Variants in CNTN1 observed in about 807,000 individuals in gnomAD.
CNTN1 encodes contactin 1.
Under a neutral mutation model 126.4 loss-of-function variants are expected in CNTN1, and 38 were observed. The ratio of observed to expected loss-of-function variants is 0.30; its 90% CI spans 0.23 to 0.39. The LOEUF (loss-of-function observed/expected upper bound fraction) is 0.39. Ranked by LOEUF, CNTN1 falls within the 10% of genes least tolerant of loss-of-function variation. CNTN1 has a pLI of 1.00. For missense variants in CNTN1, 1,009 were observed against 1,248.4 expected (o/e 0.81, Z 2.89); for synonymous variants, 413 against 422.6 (o/e 0.98, Z 0.28).
chr12:40,765,497 A>T (rs1479665363), intron 1 of CNTN1, among the ~76,000 whole-genome samples: 1 of 152,234 alleles, frequency 6.6e-6, no homozygotes, highest in African/African-American at 2.4e-5. Context: ...ACAGAGGCAA[A>T]GGAACAAGCA....
chr12:40,976,967 T>G (rs934254727), intron 15 of CNTN1, among the ~76,000 whole-genome samples: 8 of 152,154 alleles, frequency 5.3e-5, no homozygotes, highest in African/African-American at 1.4e-4. Context: ...CTGAGACAAG[T>G]CTCAAGAAAG....
chr12:40,854,497 C>T (rs993252628), intron 1 of CNTN1, among the ~76,000 whole-genome samples: 25 of 151,976 alleles, frequency 1.6e-4, no homozygotes, highest in African/African-American at 5.8e-4. Flanking sequence ...CCTTAAGTCT[C>T]TAAGTCAAGA....
intron 20 of CNTN1, among the ~76,000 whole-genome samples, chr12:41,022,582 A>G (rs1484842638): frequency 6.6e-6 from 1 of 152,144 alleles, no homozygotes; most frequent in Non-Finnish European, 1.5e-5. Context: ...GCATTCCAAG[A>G]TGGTGGTGAT....
intron 1 of CNTN1, among the ~76,000 whole-genome samples, chr12:40,782,146 A>C (rs1428956417): frequency 6.6e-6 from 1 of 151,964 alleles, no homozygotes; most frequent in Non-Finnish European, 1.5e-5. Context: ...TATTTTTTAA[A>C]AGTTCCAATA....
intron 23 of CNTN1, among the ~76,000 whole-genome samples, chr12:41,037,342 T>C (rs1354245539): frequency 2.6e-5 from 4 of 152,158 alleles, no homozygotes; most frequent in Non-Finnish European, 4.4e-5. Context: ...CCCATAAGAT[T>C]ATAATTCTAC....
At chr12:40,904,168 G>A (rs1381975848) in intron 1 of CNTN1, among the ~76,000 whole-genome samples, 4 of 152,068 alleles carry the variant, frequency 2.6e-5, no homozygotes, top group South Asian at 2.1e-4. Context: ...ACAGGCGCCT[G>A]CCACCACGCA....
chr12:40,930,246 C>A (rs898297502), intron 7 of CNTN1, among the ~76,000 whole-genome samples: 10 of 151,884 alleles, frequency 6.6e-5, no homozygotes. Flanking sequence ...GGAAAATACA[C>A]AGGGGACTGA....
rs533680875 is a variant in CNTN1 at position 40,973,471 on chromosome 12, T to G, written c.1805-7438T>G. ...CTTGATTTAAAAAGGGAGGATAAAT[T>G]GTTCTGAAAAGTTTTTTGTTTCCTT... On this transcript the variant is annotated intron_variant, in intron 15 of 23. Transcript: ENST00000551295. Among the ~76,000 whole-genome samples, 7 of 152,242 alleles carry G rather than the reference T, an allele frequency of 4.6e-5. No homozygotes were observed. In the South Asian group the frequency reaches 1.5e-3, roughly 32 times the overall value.
rs183381141 is a variant in CNTN1 at position 40,918,047 on chromosome 12, A to C, written c.95-592A>C. On this transcript the variant is annotated intron_variant, in intron 3 of 23. Transcript: ENST00000551295. ...TTCAGACTCTTGTTCAAAAATCATT[A>C]GGCTCCTTTTGTTTTCCAGACAACC... Among the ~76,000 whole-genome samples, 9 of 152,296 alleles carry C rather than the reference A, an allele frequency of 5.9e-5. No homozygotes were observed. In the East Asian group the frequency reaches 1.5e-3, roughly 26 times the overall value.
intron 1 of CNTN1, chr12:40,895,808 A>T (rs1257898237): frequency 7.2e-6 from 1 of 138,488 alleles, no homozygotes; most frequent in Non-Finnish European, 1.5e-5. Flanking sequence ...CCCAGGCTGG[A>T]GTGCAGTGGC....
At chr12:40,724,690 A>G (rs1942304594) in intron 1 of CNTN1, among the ~76,000 whole-genome samples, 1 of 152,222 alleles carries the variant, frequency 6.6e-6, no homozygotes, top group South Asian at 2.1e-4. Context: ...TAATATTTAA[A>G]ATAAGACAGT....
rs141852091 is a variant in CNTN1, at chr12:40,855,666, A to G, written c.-76-52691A>G. ...AACACTTGAATAAATCTATATAACT[A>G]CATTTCAAATTCTGAAAAAATTGTT... On this transcript the variant is annotated intron_variant, in intron 1 of 23. Coordinates refer to ENST00000551295, the MANE Select transcript of CNTN1 (RefSeq NM_001843.4). 4.1e-4 allele frequency among the ~76,000 whole-genome samples: 63 copies of G among 152,246 alleles called. No individual in the cohort carries two copies. The East Asian group carries it at 0.011, about 28-fold the overall frequency.
At chr12:40,963,824 A>G (rs1181997548) in intron 15 of CNTN1, among the ~76,000 whole-genome samples, 1 of 152,086 alleles carries the variant, frequency 6.6e-6, no homozygotes, top group Non-Finnish European at 1.5e-5. Flanking sequence ...ACAGCCCTGT[A>G]TGAATATTTT....
intron 1 of CNTN1, among the ~76,000 whole-genome samples, chr12:40,850,097 T>C (rs1322278256): frequency 6.6e-6 from 1 of 152,116 alleles, no homozygotes; most frequent in African/African-American, 2.4e-5. Flanking sequence ...TTATAATCTA[T>C]GCTTGTTGAG....
At chr12:40,844,000 C>T (rs376075385) in intron 1 of CNTN1, among the ~76,000 whole-genome samples, 7 of 149,218 alleles carry the variant, frequency 4.7e-5, no homozygotes, top group South Asian at 4.2e-4. Flanking sequence ...TGCAGGAGTG[C>T]GTGAATGCCA....
chr12:41,070,161 A>T lies in CNTN1; in HGVS notation c.*126A>T, dbSNP rs1012687646. 1.2e-6 allele frequency: 1 copy of T among 810,564 alleles called. No individual in the cohort carries two copies. The highest frequency in any genetic ancestry group is 2.1e-6 in the Non-Finnish European group (1 of 477,074). The allele number at this position is 810,564 out of a possible 1,614,324, so 50.2% of individuals were successfully genotyped here. On this transcript the variant is annotated 3_prime_UTR_variant, in exon 24 of 24. Coordinates refer to ENST00000551295, the MANE Select transcript of CNTN1 (RefSeq NM_001843.4). Reference sequence around the variant, plus strand: ...CAAATAAATTATACTTTAACAAACTATTCAACTGATTTACAACACACATGA... The same window carrying T: ...CAAATAAATTATACTTTAACAAACTTTTCAACTGATTTACAACACACATGA...
chr12:40,939,965 A>G lies in CNTN1; in HGVS notation c.1379+480A>G, dbSNP rs188173251. On this transcript the variant is annotated intron_variant, in intron 12 of 23. Transcript: ENST00000551295. ...ATCTCAAAATGAACAAGATGTTATC[A>G]TCATCTTCCTTATAAATGGACCATC... is the stretch of plus-strand genomic sequence containing the variant. Among the ~76,000 whole-genome samples, 296 of 152,308 alleles carry G rather than the reference A, an allele frequency of 1.9e-3. 1 individual carries two copies. The highest frequency in any genetic ancestry group is 1.5e-3 in the Non-Finnish European group (101 of 68,030).
intron 23 of CNTN1, among the ~76,000 whole-genome samples, chr12:41,064,097 C>T (rs974137994): frequency 1.3e-5 from 2 of 151,658 alleles, no homozygotes; most frequent in African/African-American, 4.9e-5. Context: ...TGGCGTGAAC[C>T]CGGGAGGCAG....
At chr12:41,011,168 G>A (rs1478911551) in intron 17 of CNTN1, among the ~76,000 whole-genome samples, 1 of 152,188 alleles carries the variant, frequency 6.6e-6, no homozygotes, top group Non-Finnish European at 1.5e-5. Flanking sequence ...CTAAGATTCT[G>A]TAATGAGATG....
Sources: gnomAD v4.1 joint callset for allele counts (sites outside exome capture counted in the v4.1 genomes callset) on GRCh38, gnomAD v4.1.1 for gene constraint, MANE v1.5 for transcripts, NCBI Gene and HGNC (gene_info 2026-07-23, HGNC 2026-07-21) for gene names.